CXCL13: variants seen among roughly 807,000 people sequenced by gnomAD.
The protein encoded by CXCL13 is C-X-C motif chemokine 13.
In CXCL13, 7 loss-of-function variants were observed where a neutral mutation model predicts 12.2. The ratio of observed to expected loss-of-function variants is 0.57; its 90% CI spans 0.33 to 1.07. CXCL13 has a LOEUF of 1.07. Ranked by LOEUF, CXCL13 falls within the 50% of genes least tolerant of loss-of-function variation. CXCL13 has a pLI of 0.04. For missense variants in CXCL13, 113 were observed against 127.4 expected (o/e 0.89, Z 0.55); for synonymous variants, 47 against 42.4 (o/e 1.11, Z -0.42).
intron 1 of CXCL13, among the ~76,000 whole-genome samples, chr4:77,528,934 C>T (rs1236790639): frequency 6.6e-6 from 1 of 152,176 alleles, no homozygotes; most frequent in Non-Finnish European, 1.5e-5. Context: ...AGTCTTTAAT[C>T]CATCTTGAAT....
At chr4:77,585,760 T>C (rs940852295) in intron 1 of CXCL13, among the ~76,000 whole-genome samples, 27 of 152,346 alleles carry the variant, frequency 1.8e-4, no homozygotes, top group African/African-American at 6.5e-4. Context: ...ATGCTTTGGG[T>C]ACTTCAAAAT....
chr4:77,602,232 TG>T (rs923391027), upstream of CXCL13, among the ~76,000 whole-genome samples: 15 of 152,172 alleles, frequency 9.9e-5, no homozygotes, highest in African/African-American at 3.4e-4. Context: ...TTTGATATCT[TG>T]AGAGAGAGTT....
chr4:77,534,600 T>G (rs1401481144), intron 1 of CXCL13, among the ~76,000 whole-genome samples: 1 of 152,254 alleles, frequency 6.6e-6, no homozygotes, highest in Non-Finnish European at 1.5e-5. Context: ...CTGGGTATTA[T>G]TTCAGTTGAA....
chr4:77,602,579 G>T (rs57792330), upstream of CXCL13, among the ~76,000 whole-genome samples: 5,410 of 151,230 alleles, frequency 0.036, 301 homozygotes, highest in African/African-American at 0.12. Flanking sequence ...AAGTACCAAG[G>T]TTCTAAATTA....
intron 1 of CXCL13, among the ~76,000 whole-genome samples, chr4:77,560,318 T>G (rs1359454982): frequency 6.6e-6 from 1 of 152,166 alleles, no homozygotes; most frequent in Non-Finnish European, 1.5e-5. Flanking sequence ...CAGATCTGAC[T>G]CCAAAGTCAA....
chr4:77,556,002 G>T (rs1385006556), intron 1 of CXCL13, among the ~76,000 whole-genome samples: 1 of 152,138 alleles, frequency 6.6e-6, no homozygotes, highest in Non-Finnish European at 1.5e-5. Context: ...CTCATATATT[G>T]CTGAGACAAA....
intron 1 of CXCL13, among the ~76,000 whole-genome samples, chr4:77,539,308 A>T (rs992276882): frequency 6.6e-6 from 1 of 152,118 alleles, no homozygotes; most frequent in Non-Finnish European, 1.5e-5. Flanking sequence ...TGTATTTTTA[A>T]TAGAGACAGG....
chr4:77,548,838 T>A (rs559669171), intron 1 of CXCL13, among the ~76,000 whole-genome samples: 2 of 152,266 alleles, frequency 1.3e-5, no homozygotes, highest in African/African-American at 2.4e-5. Context: ...TCAAGGAGTA[T>A]CTTTGTGGTG....
chr4:77,566,036 A>T (rs1345315384), intron 1 of CXCL13, among the ~76,000 whole-genome samples: 3 of 152,190 alleles, frequency 2.0e-5, no homozygotes, highest in Non-Finnish European at 4.4e-5. Flanking sequence ...GCTCTTCAAA[A>T]TCTGGACCTA....
intron 1 of CXCL13, among the ~76,000 whole-genome samples, chr4:77,525,808 A>C (rs1724748675): frequency 6.6e-6 from 1 of 152,190 alleles, no homozygotes; most frequent in Non-Finnish European, 1.5e-5. Context: ...GTTCTTTTAA[A>C]TGGTCATGGC....
intron 1 of CXCL13, among the ~76,000 whole-genome samples, chr4:77,572,466 G>C (rs1488639846): frequency 6.6e-6 from 1 of 151,750 alleles, no homozygotes; most frequent in African/African-American, 2.4e-5. Context: ...CATACATGTG[G>C]TCAACAATCG....
chr4:77,610,536 C>A, intron 2 of CXCL13, 78 bp from the exon 3 acceptor site: 1 of 1,165,624 alleles, frequency 8.6e-7, no homozygotes, highest in Non-Finnish European at 1.3e-6. Flanking sequence ...TATTTTCATA[C>A]CAAACTCTTT....
chr4:77,579,955 A>C (rs1469373783), intron 1 of CXCL13, among the ~76,000 whole-genome samples: 1 of 152,198 alleles, frequency 6.6e-6, no homozygotes, highest in East Asian at 1.9e-4. Flanking sequence ...TATCATTCCT[A>C]ACCACAGGCC....
intron 1 of CXCL13, among the ~76,000 whole-genome samples, chr4:77,577,439 T>C (rs901475584): frequency 4.6e-5 from 7 of 151,588 alleles, no homozygotes; most frequent in African/African-American, 1.7e-4. Flanking sequence ...ATCTGAGGGG[T>C]CCGGAGGCAG....
chr4:77,555,601 C>T, intron 1 of CXCL13, among the ~76,000 whole-genome samples: 1 of 151,836 alleles, frequency 6.6e-6, no homozygotes, highest in Non-Finnish European at 1.5e-5. Flanking sequence ...CTTCTTAAAC[C>T]TGGAGCAGAC....
chr4:77,559,590 C>CGTGTGTGTGTGTGTGTGTGTGT (rs376338194), intron 1 of CXCL13, among the ~76,000 whole-genome samples: 22 of 148,732 alleles, frequency 1.5e-4, no homozygotes, highest in East Asian at 1.2e-3. Flanking sequence ...CTAAATATGC[C>CGTGTGTGTGTGTGTGTGTGTGT]GTGTGTGTGT....
At chr4:77,591,174 C>G (rs1323967769) in intron 1 of CXCL13, among the ~76,000 whole-genome samples, 1 of 152,136 alleles carries the variant, frequency 6.6e-6, no homozygotes, top group Non-Finnish European at 1.5e-5. Context: ...ATTATACTAT[C>G]ATTATTGTTA....
intron 1 of CXCL13, among the ~76,000 whole-genome samples, chr4:77,548,059 T>G (rs1179474946): frequency 2.0e-5 from 3 of 152,182 alleles, no homozygotes; most frequent in African/African-American, 4.8e-5. Context: ...AGAATAGTGT[T>G]TAATATCAAT....
chr4:77,524,376 G>C (rs1183264237), intron 1 of CXCL13, among the ~76,000 whole-genome samples: 1 of 152,206 alleles, frequency 6.6e-6, no homozygotes, highest in Non-Finnish European at 1.5e-5. Flanking sequence ...CTGAGCTGTG[G>C]TGGGCTCCAC....
Sources: allele counts gnomAD v4.1 joint callset (sites outside exome capture counted in the v4.1 genomes callset), GRCh38; gene constraint gnomAD v4.1.1; transcripts MANE v1.5; gene names NCBI Gene and HGNC (gene_info 2026-07-23, HGNC 2026-07-21).